The following AGBL1 variants were observed in gnomAD, a reference collection of about 807,000 sequenced individuals.
AGBL1 encodes AGBL carboxypeptidase 1.
Under a neutral mutation model 118.9 loss-of-function variants are expected in AGBL1, and 130 were observed. The ratio of observed to expected loss-of-function variants is 1.09; its 90% confidence interval spans 0.95 to 1.26. AGBL1 has a LOEUF of 1.26. AGBL1 is among the 50% of genes most tolerant of loss of function. AGBL1 has a pLI of 0.00. For synonymous variants in AGBL1, 555 were observed against 478.9 expected, an observed-to-expected ratio of 1.16 and a Z score of -2.08; for missense variants, 1,584 against 1,298.1, an observed-to-expected ratio of 1.22 and a Z score of -3.38.
At chr15:86,564,731 A>G (rs1358251564) in intron 21 of AGBL1, among the ~76,000 whole-genome samples, 2 of 152,194 alleles carry the variant, frequency 1.3e-5, no homozygotes, top group Non-Finnish European at 2.9e-5. Flanking sequence ...AGTGTTTTCC[A>G]ACTTGGTTCC....
chr15:86,655,124 T>C (rs1310769821), intron 21 of AGBL1, among the ~76,000 whole-genome samples: 1 of 152,140 alleles, frequency 6.6e-6, no homozygotes, highest in Non-Finnish European at 1.5e-5. Context: ...ATGCATCTGG[T>C]GGGACAATTC....
In AGBL1 at chr15:86,614,923, G is replaced by T. The variant is rs539674851; in HGVS notation, c.2995-59350G>T. On this transcript the variant is annotated intron_variant, in intron 21 of 22. Transcript: ENST00000614907. ...CTTTCTGAAGGTGACAACCAAACTG[G>T]GTGTGGAGTTGACCAGGCAGTGAAG... 7.9e-4 allele frequency among the ~76,000 whole-genome samples: 120 copies of T among 152,300 alleles called. 1 individual carries two copies. Among genetic ancestry groups the T allele is most frequent in the Non-Finnish European group, 1.4e-3 (92 of 68,022 alleles).
intron 7 of AGBL1, 119 bp downstream of exon 7, chr15:86,247,998 G>A: frequency 2.3e-6 from 3 of 1,289,664 alleles, no homozygotes; most frequent in Non-Finnish European, 3.3e-6. Context: ...CTTGTTGCCT[G>A]CTAAGGGCGG....
chr15:86,301,533 TTCTTG>T (rs1480587529), intron 17 of AGBL1, among the ~76,000 whole-genome samples: 2 of 152,100 alleles, frequency 1.3e-5, no homozygotes, highest in African/African-American at 4.8e-5. Flanking sequence ...CTGTGCCCTT[TTCTTG>T]TCTTGGGATT....
At position 86,258,028 on chromosome 15, in the gene AGBL1, G is replaced by A; in HGVS notation, c.966G>A (p.Val322=). Residue 322 remains valine, a synonymous_variant, in exon 9 of 23, where the codon GTG becomes GTA. Coordinates refer to ENST00000614907, the MANE Select transcript of AGBL1 (RefSeq NM_001386094.1). ...DKDSDTEDGK[V]EDDDLETDVN... The stretch of plus-strand genomic sequence containing the variant: ...ACTCTGATACTGAAGATGGGAAAGT[G>A]GAAGTAGGTACACCAGCCCATGCTT... 1 of 1,613,574 alleles carries A rather than the reference G, an allele frequency of 6.2e-7. No individual in the cohort carries two copies. The highest frequency in any genetic ancestry group is 8.5e-7 in the Non-Finnish European group (1 of 1,179,740).
chr15:86,962,101 C>A (rs1006948726), intron 23 of AGBL1, among the ~76,000 whole-genome samples: 1 of 152,124 alleles, frequency 6.6e-6, no homozygotes, highest in Non-Finnish European at 1.5e-5. Flanking sequence ...AAATTCAATT[C>A]TCAAATTCAA....
chr15:86,708,922 A>C (rs1165547864), intron 22 of AGBL1, among the ~76,000 whole-genome samples: 5 of 152,084 alleles, frequency 3.3e-5, no homozygotes, highest in Non-Finnish European at 7.4e-5. Flanking sequence ...TCCACTGCTC[A>C]AGCTCATTTA....
intron 19 of AGBL1, among the ~76,000 whole-genome samples, chr15:86,535,444 C>T (rs1243011750): frequency 1.3e-5 from 2 of 152,220 alleles, no homozygotes; most frequent in African/African-American, 4.8e-5. Context: ...TTCTGAGCTG[C>T]CATATTGCAG....
chr15:86,256,810 G>A (rs72752192), intron 7 of AGBL1, 43 bp from the exon 8 acceptor site: 6 of 1,603,492 alleles, frequency 3.7e-6, no homozygotes, highest in Non-Finnish European at 5.1e-6. Context: ...CTAGGGGACT[G>A]TGCCCAGATG....
chr15:86,477,657 C>G (rs146688724), intron 18 of AGBL1, among the ~76,000 whole-genome samples: 2 of 152,054 alleles, frequency 1.3e-5, no homozygotes, highest in South Asian at 2.1e-4. Flanking sequence ...AGAGGTACAA[C>G]GAGGAGCTGG....
intron 22 of AGBL1, among the ~76,000 whole-genome samples, chr15:86,762,076 G>A (rs2078033466): frequency 6.6e-6 from 1 of 152,050 alleles, no homozygotes. Flanking sequence ...CAGGGACATG[G>A]ATGAAGCTGG....
chr15:86,154,493 G>A lies in AGBL1; in HGVS notation c.326G>A (p.Arg109Lys), dbSNP rs971411510. 5.0e-6 allele frequency: 8 copies of A among 1,613,074 alleles called. No homozygotes were observed. Among genetic ancestry groups the A allele is most frequent in the Non-Finnish European group, 6.8e-6 (8 of 1,179,582 alleles). ...EALDVTLILA[R>K]KNLSHGQNLL... ...CTTGATGTGACATTGATTCTGGCCA[G>A]GAAGAACCTATCCCATGGCCAGAAT... The change falls in exon 4 of 23, where the codon AGG becomes AAG. Residue 109 changes from arginine to lysine, a missense_variant. Coordinates refer to ENST00000614907, the MANE Select transcript of AGBL1 (RefSeq NM_001386094.1).
chr15:86,337,235 C>T (rs1465228192), intron 17 of AGBL1, among the ~76,000 whole-genome samples: 2 of 152,126 alleles, frequency 1.3e-5, no homozygotes, highest in East Asian at 3.9e-4. Flanking sequence ...TGTTTACATA[C>T]ACAGATTTAC....
intron 22 of AGBL1, among the ~76,000 whole-genome samples, chr15:86,827,938 C>CTTGTTTTTTTTTTTT (rs2079052639): frequency 6.0e-5 from 1 of 16,760 alleles, no homozygotes; most frequent in African/African-American, 2.0e-4. Flanking sequence ...TGATGTAGGG[C>CTTGTTTTTTTTTTTT]TTTTTTTTTT....
chr15:87,003,931 A>T (rs1300582032), intron 24 of AGBL1, among the ~76,000 whole-genome samples: 3 of 151,882 alleles, frequency 2.0e-5, no homozygotes, highest in Non-Finnish European at 4.4e-5. Flanking sequence ...GGATTCATTG[A>T]TTTTTTTGAA....
At chr15:86,325,444 G>A (rs895603896) in intron 17 of AGBL1, among the ~76,000 whole-genome samples, 5 of 152,182 alleles carry the variant, frequency 3.3e-5, no homozygotes, top group African/African-American at 1.2e-4. Flanking sequence ...GTTGGGGAAT[G>A]CAGTTCTATT....
chr15:86,668,403 G>A (rs1306050853), intron 21 of AGBL1, among the ~76,000 whole-genome samples: 1 of 151,754 alleles, frequency 6.6e-6, no homozygotes, highest in African/African-American at 2.4e-5. Context: ...TTTCCTTTTT[G>A]TGCCTTTTAA....
In AGBL1 at chr15:86,456,111, C is replaced by G. The variant is rs545452782; in HGVS notation, c.2555+58565C>G. On this transcript the variant is annotated intron_variant, in intron 18 of 22. Transcript: ENST00000614907. Reference sequence around the variant, plus strand: ...TCTATATGTCAGTTGAAATTTCAACCAATTTTAAAATTCAGAATAGAAACT... The same window carrying G: ...TCTATATGTCAGTTGAAATTTCAACGAATTTTAAAATTCAGAATAGAAACT... 1.0e-3 allele frequency among the ~76,000 whole-genome samples: 152 copies of G among 152,160 alleles called. 1 individual carries two copies. Among genetic ancestry groups the G allele is most frequent in the African/African-American group, 3.6e-3 (148 of 41,520 alleles).
intron 21 of AGBL1, among the ~76,000 whole-genome samples, chr15:86,644,851 C>CAAAAA (rs11434077): frequency 1.8e-4 from 18 of 99,624 alleles, no homozygotes; most frequent in African/African-American, 3.7e-4. Flanking sequence ...ACTAAAAATA[C>CAAAAA]AAAAAAAAAA....
Sources: gnomAD v4.1 joint callset for allele counts (sites outside exome capture counted in the v4.1 genomes callset) on GRCh38, gnomAD v4.1.1 for gene constraint, MANE v1.5 for transcripts, NCBI Gene and HGNC (gene_info 2026-07-23, HGNC 2026-07-21) for gene names.